DSCAML1: variants seen among roughly 807,000 people sequenced by gnomAD.
DSCAML1 encodes DS cell adhesion molecule like 1.
Under a neutral mutation model 200.5 loss-of-function variants are expected in DSCAML1, and 38 were observed. That is an observed-to-expected ratio of 0.19 (90% CI 0.15 to 0.25). The LOEUF (loss-of-function observed/expected upper bound fraction) is 0.25, where lower values mean the gene tolerates loss of function less well. DSCAML1 is among the 10% of genes least tolerant of loss of function. The pLI is 1.00. For synonymous variants in DSCAML1, 1,215 were observed against 1,165.0 expected, an observed-to-expected ratio of 1.04 and a Z score of -0.87; for missense variants, 2,223 against 2,858.8, an observed-to-expected ratio of 0.78 and a Z score of 5.07.
At chr11:117,458,994 CA>C in intron 18 of DSCAML1, 85 bp from the exon 19 acceptor site, 1 of 1,513,176 alleles carries the variant, frequency 6.6e-7, no homozygotes. Context: ...GCTCTGCCCA[CA>C]CCTACTGCAC....
At chr11:117,706,777 T>G (rs900066429) in intron 3 of DSCAML1, among the ~76,000 whole-genome samples, 10 of 152,198 alleles carry the variant, frequency 6.6e-5, no homozygotes, top group African/African-American at 2.4e-4. Flanking sequence ...GGGCCTTTCT[T>G]TTAAAGTGCA....
chr11:117,811,924 G>A (rs546937383), intron 1 of DSCAML1, among the ~76,000 whole-genome samples: 64 of 152,248 alleles, frequency 4.2e-4, no homozygotes, highest in African/African-American at 1.5e-3. Flanking sequence ...TGTGCGTATT[G>A]ACAGCCAGAC....
At chr11:117,807,619 G>C (rs1224774934) in intron 1 of DSCAML1, among the ~76,000 whole-genome samples, 1 of 152,194 alleles carries the variant, frequency 6.6e-6, no homozygotes, top group African/African-American at 2.4e-5. Context: ...AGTTTTCTCC[G>C]CAGAGTTGTT....
At chr11:117,677,652 ACAT>A (rs754949646) in intron 3 of DSCAML1, among the ~76,000 whole-genome samples, 1 of 152,168 alleles carries the variant, frequency 6.6e-6, no homozygotes, top group African/African-American at 2.4e-5. Flanking sequence ...GGGCAAGTAG[ACAT>A]CATGCAGGGC....
chr11:117,455,169 C>T (rs1018875283), intron 19 of DSCAML1, among the ~76,000 whole-genome samples: 2 of 152,196 alleles, frequency 1.3e-5, no homozygotes, highest in Non-Finnish European at 2.9e-5. Flanking sequence ...CCTAGCTGTC[C>T]TCCGCAAGAA....
chr11:117,699,127 A>G (rs1352483006), intron 3 of DSCAML1, among the ~76,000 whole-genome samples: 1 of 152,150 alleles, frequency 6.6e-6, no homozygotes, highest in African/African-American at 2.4e-5. Flanking sequence ...CTGATGAGAG[A>G]GAGGCTGGCC....
chr11:117,676,599 A>T (rs1415752607), intron 3 of DSCAML1, among the ~76,000 whole-genome samples: 1 of 152,188 alleles, frequency 6.6e-6, no homozygotes, highest in Non-Finnish European at 1.5e-5. Flanking sequence ...ACCCCTCAGA[A>T]GCTGTCGCAC....
intron 3 of DSCAML1, among the ~76,000 whole-genome samples, chr11:117,600,029 CT>C (rs2051434944): frequency 6.6e-6 from 1 of 152,218 alleles, no homozygotes; most frequent in African/African-American, 2.4e-5. Context: ...CCTCCCTTTC[CT>C]TTTGTGCAAA....
chr11:117,585,233 T>C (rs997901753), intron 3 of DSCAML1, among the ~76,000 whole-genome samples: 2 of 152,072 alleles, frequency 1.3e-5, no homozygotes, highest in African/African-American at 4.8e-5. Flanking sequence ...TGGAAAGGAT[T>C]TGGGGGGTTT....
rs752465384 is a variant in DSCAML1, at chr11:117,435,647, G to A, written c.4873C>T (p.Arg1625Ter). ...KRKEKRLKRL[R>*]DAKSLAEMLI... The stretch of plus-strand genomic sequence containing the variant: ...GGCCCATAGGAAGCTCCCCCACCTC[G>A]GAGTCGCTTCAGCCGTTTCTCCTTC... The change falls in exon 27 of 33, where the codon CGA becomes TGA. Residue 1625 changes from arginine to a stop codon, truncating the protein, a stop_gained. Transcript: ENST00000651296. LOFTEE classifies it high-confidence loss of function. 5.0e-6 allele frequency: 8 copies of A among 1,593,814 alleles called. No individual in the cohort carries two copies. Among genetic ancestry groups the A allele is most frequent in the Non-Finnish European group, 6.9e-6 (8 of 1,163,770 alleles).
intron 11 of DSCAML1, among the ~76,000 whole-genome samples, chr11:117,486,308 GT>G: frequency 8.1e-6 from 1 of 124,048 alleles, no homozygotes; most frequent in African/African-American, 2.8e-5. Flanking sequence ...TGTGAAAGTA[GT>G]GGATGTGAAA....
At chr11:117,701,426 G>A (rs921020148) in intron 3 of DSCAML1, among the ~76,000 whole-genome samples, 9 of 152,198 alleles carry the variant, frequency 5.9e-5, no homozygotes, top group East Asian at 1.9e-4. Context: ...TTGAGAACCC[G>A]CTTATGGTCA....
At chr11:117,600,202 G>A (rs940366762) in intron 3 of DSCAML1, among the ~76,000 whole-genome samples, 2 of 152,164 alleles carry the variant, frequency 1.3e-5, no homozygotes, top group Non-Finnish European at 2.9e-5. Context: ...CACATCTTCC[G>A]TTGCCGGCGG....
intron 22 of DSCAML1, 59 bp downstream of exon 22, chr11:117,439,760 G>A (rs982032553): frequency 2.7e-6 from 4 of 1,504,690 alleles, no homozygotes; most frequent in South Asian, 2.3e-5. Flanking sequence ...TCTCCACACC[G>A]CTCTTCTACT....
intron 3 of DSCAML1, among the ~76,000 whole-genome samples, chr11:117,596,891 C>T (rs182321125): frequency 3.0e-4 from 46 of 152,244 alleles, no homozygotes; most frequent in African/African-American, 1.0e-3. Context: ...GAGGAGGAAA[C>T]CTAGTAGCTA....
At chr11:117,779,538 G>C (rs867047740) in intron 2 of DSCAML1, among the ~76,000 whole-genome samples, 1 of 152,104 alleles carries the variant, frequency 6.6e-6, no homozygotes, top group Non-Finnish European at 1.5e-5. Context: ...CATCCCCTCA[G>C]CAGTAGAATG....
At chr11:117,742,493 A>C (rs533080238) in intron 3 of DSCAML1, among the ~76,000 whole-genome samples, 1 of 152,332 alleles carries the variant, frequency 6.6e-6, no homozygotes, top group Non-Finnish European at 1.5e-5. Context: ...ATGCTCTAAA[A>C]AATAATAGGA....
intron 3 of DSCAML1, among the ~76,000 whole-genome samples, chr11:117,738,388 C>A (rs907901447): frequency 1.3e-5 from 2 of 151,998 alleles, no homozygotes; most frequent in Admixed American, 1.3e-4. Flanking sequence ...CTGTGTTTCT[C>A]AAGTCTTCCC....
chr11:117,437,897 C>T lies in DSCAML1; in HGVS notation c.4430G>A (p.Arg1477Gln), dbSNP rs150519841. Residue 1477 changes from arginine to glutamine, a missense_variant and splice_region_variant, in exon 25 of 33, where the codon CGG becomes CAG. Around this residue, in one of 7 missense-constraint regions of DSCAML1, gnomAD observed 614 missense variants for 739.1 expected, o/e 0.83. Transcript: ENST00000651296. This position sits in a 1 kb window ranked among gnomAD's most constrained non-coding sequence, Gnocchi z 5.3. ...TGCCCCAGTGGCCTGGGCCTCACCC[C>T]GCCCGTGGGTCTTGGCCTCGATGAT... ...SEIIEAKTHG[R>Q]EPSFSKDQHL... The T allele has an allele frequency of 1.8e-4, 286 of 1,605,268 alleles. No individual in the cohort carries two copies. The highest frequency in any genetic ancestry group is 2.3e-4 in the Non-Finnish European group (267 of 1,177,686).
Sources: gnomAD v4.1 joint callset for allele counts (sites outside exome capture counted in the v4.1 genomes callset) on GRCh38, gnomAD v4.1.1 for gene constraint, gnomAD v4.1.1 regional missense constraint, Gnocchi (gnomAD v3.1) non-coding constraint, MANE v1.5 for transcripts, NCBI Gene and HGNC (gene_info 2026-07-23, HGNC 2026-07-21) for gene names.